MTCL1: variants seen among roughly 807,000 people sequenced by gnomAD.
MTCL1 encodes the protein microtubule crosslinking factor 1.
In MTCL1, 79 loss-of-function variants were observed where a neutral mutation model predicts 141.4. The ratio of observed to expected loss-of-function variants is 0.56; its 90% confidence interval spans 0.47 to 0.67. The LOEUF is 0.67. Among genes scored for constraint, MTCL1 ranks in the 30% least tolerant of loss-of-function variants. The pLI is 0.00. For missense variants in MTCL1, 2,177 were observed against 2,113.9 expected (o/e 1.03, Z -0.59); for synonymous variants, 914 against 875.8 (o/e 1.04, Z -0.77).
chr18:8,796,624 CAG>C lies in MTCL1; in HGVS notation c.2241+164_2241+165del, dbSNP rs542710935. ...CAAAAAAGATGTAGAGCAATTCATA[CAG>C]ACACTTAGATAAGAGAAAATTGAGC... On this transcript the variant is annotated intron_variant, in intron 9 of 16. Transcript: ENST00000359865. 7.2e-5 allele frequency among the ~76,000 whole-genome samples: 11 copies of C among 152,296 alleles called. No homozygotes were observed. In the South Asian group the frequency reaches 1.7e-3, roughly 23 times the overall value.
At position 8,711,005 on chromosome 18, in the gene MTCL1, C is replaced by T. The variant is rs2096088080; in HGVS notation, c.1053+4292C>T. On this transcript the variant is annotated intron_variant, in intron 1 of 13. Coordinates refer to the MTCL1 transcript ENST00000306329. Reference sequence around the variant, plus strand: ...CTGCACCCACTAACTCGTCATCTAGCATTAGGTATATCTCCCAATGCTATC... The same window carrying T: ...CTGCACCCACTAACTCGTCATCTAGTATTAGGTATATCTCCCAATGCTATC... Among the ~76,000 whole-genome samples the T allele has an allele frequency of 2.0e-5, 3 of 151,212 alleles. No homozygotes were observed. In the South Asian group the frequency reaches 6.3e-4, roughly 32 times the overall value.
intron 10 of MTCL1, among the ~76,000 whole-genome samples, chr18:8,800,255 C>A (rs970202868): frequency 1.3e-5 from 2 of 152,180 alleles, no homozygotes; most frequent in South Asian, 2.1e-4. Flanking sequence ...AGAGCCGGGC[C>A]GTTCCCGAAA....
chr18:8,732,573 A>G (rs551503407), intron 4 of MTCL1, among the ~76,000 whole-genome samples: 262 of 152,350 alleles, frequency 1.7e-3, no homozygotes, highest in Middle Eastern at 6.8e-3. Flanking sequence ...TTATGAGCCA[A>G]ATAAGCAAGT....
chr18:8,809,570 G>A (rs690079), intron 11 of MTCL1: 513,194 of 1,535,656 alleles, frequency 0.33, 91,511 homozygotes, highest in East Asian at 0.55. Context: ...AGGTGAGAGG[G>A]GTGACTCTGA....
chr18:8,735,412 G>A (rs1296067341), intron 4 of MTCL1, among the ~76,000 whole-genome samples: 4 of 152,146 alleles, frequency 2.6e-5, no homozygotes, highest in Admixed American at 2.6e-4. Context: ...TGGGTCACTG[G>A]CAGATGGAAT....
In MTCL1 at chr18:8,830,813, A is replaced by AAG; in HGVS notation, c.*19-793_*19-792dup. The AAG allele has an allele frequency of 2.0e-6, 2 of 985,450 alleles. No homozygotes were observed. Among genetic ancestry groups the AAG allele is most frequent in the Non-Finnish European group, 2.4e-6 (2 of 829,950 alleles). 61.0% of individuals were successfully genotyped at this position (985,450 alleles called of 1,614,324 possible). A position where few individuals can be genotyped will look rare whatever the true frequency, so the allele number is the denominator to read the frequency against. On this transcript the variant is annotated intron_variant, in intron 16 of 16. Coordinates refer to ENST00000359865, the Ensembl canonical transcript of MTCL1. This position sits in a 1 kb window ranked among gnomAD's most constrained non-coding sequence, Gnocchi z 6.4. ...TGGGTGTCCTGGTTTTGTAACATGT[A>AAG]AGGACAAGGAGCTCAACATTCTTTA...
At chr18:8,742,466 C>T (rs779232959) in intron 4 of MTCL1, among the ~76,000 whole-genome samples, 3 of 152,204 alleles carry the variant, frequency 2.0e-5, no homozygotes, top group Non-Finnish European at 4.4e-5. Context: ...GCAAGTCCTT[C>T]TTCACATGGT....
chr18:8,763,270 A>G (rs1301380970), intron 4 of MTCL1, among the ~76,000 whole-genome samples: 1 of 152,246 alleles, frequency 6.6e-6, no homozygotes, highest in Admixed American at 6.5e-5. Flanking sequence ...CAAGAAAGGG[A>G]CAGCCGTGGA....
At chr18:8,807,314 A>T (rs538885969) in intron 11 of MTCL1, among the ~76,000 whole-genome samples, 1 of 152,332 alleles carries the variant, frequency 6.6e-6, no homozygotes, top group Admixed American at 6.5e-5. Context: ...ATTCTGCATT[A>T]AACAAGCTTG....
intron 4 of MTCL1, among the ~76,000 whole-genome samples, chr18:8,763,411 A>G (rs28560026): frequency 0.023 from 3,522 of 152,200 alleles, 81 homozygotes; most frequent in African/African-American, 0.062. Flanking sequence ...ATTTTTTCCA[A>G]TTGGATGCCA....
At chr18:8,803,313 A>G (rs1440914979) in intron 10 of MTCL1, among the ~76,000 whole-genome samples, 2 of 152,178 alleles carry the variant, frequency 1.3e-5, no homozygotes, top group East Asian at 3.9e-4. Context: ...CTTGGCCCTC[A>G]GCCACTCCAA....
At chr18:8,722,330 G>A (rs976614772) in intron 4 of MTCL1, among the ~76,000 whole-genome samples, 3 of 152,200 alleles carry the variant, frequency 2.0e-5, no homozygotes, top group East Asian at 1.9e-4. Flanking sequence ...AGGCTGAGGC[G>A]GGAGGATTGC....
intron 7 of MTCL1, chr18:8,789,387 G>A (rs1454998503): frequency 1.0e-6 from 1 of 983,780 alleles, no homozygotes; most frequent in African/African-American, 1.7e-5. Flanking sequence ...TCCTAATAGA[G>A]GAGTAGCATT....
chr18:8,745,716 T>C (rs1165235597), intron 4 of MTCL1, among the ~76,000 whole-genome samples: 1 of 152,236 alleles, frequency 6.6e-6, no homozygotes, highest in Non-Finnish European at 1.5e-5. Context: ...TTTTATCTTT[T>C]TATTTTTAAC....
At chr18:8,807,086 A>G (rs1026849303) in intron 11 of MTCL1, 26 bp downstream of exon 10, 6 of 1,600,350 alleles carry the variant, frequency 3.7e-6, no homozygotes, top group Non-Finnish European at 5.1e-6. Context: ...GTCTCCCTCG[A>G]TCCTGACTGT....
At chr18:8,706,391 A>G in exon 1 of MTCL1, 1 of 1,228,988 alleles carries the variant, frequency 8.1e-7, no homozygotes, top group Non-Finnish European at 1.0e-6. Context: ...AGCGACCGTG[A>G]ACCCCCACGA....
At chr18:8,789,631 C>G in intron 7 of MTCL1, 1 of 985,376 alleles carries the variant, frequency 1.0e-6, no homozygotes, top group Non-Finnish European at 1.2e-6. Context: ...AGTGTCTCAG[C>G]AGCCTCGGAA....
chr18:8,784,312 G>C, exon 6 of MTCL1: 1 of 1,566,840 alleles, frequency 6.4e-7, no homozygotes, highest in Non-Finnish European at 8.7e-7. Context: ...ATGGGGAGGA[G>C]AGCCGCCTGC....
In MTCL1 at chr18:8,709,385, G is replaced by T. The variant is rs545838576; in HGVS notation, c.1053+2672G>T. The stretch of plus-strand genomic sequence containing the variant: ...TTTTTAAATTTTTTTATAGAGACAG[G>T]GTCTGGCTATGTTGTCCAGGCTTGT... On this transcript the variant is annotated intron_variant, in intron 1 of 13. Coordinates refer to the MTCL1 transcript ENST00000306329. 9.2e-5 allele frequency among the ~76,000 whole-genome samples: 14 copies of T among 152,026 alleles called. No individual in the cohort carries two copies. In the East Asian group the frequency reaches 2.7e-3, roughly 29 times the overall value.
Sources: gnomAD v4.1 joint callset for allele counts (sites outside exome capture counted in the v4.1 genomes callset) on GRCh38, gnomAD v4.1.1 for gene constraint, Gnocchi (gnomAD v3.1) non-coding constraint, MANE v1.5 for transcripts, NCBI Gene and HGNC (gene_info 2026-07-23, HGNC 2026-07-21) for gene names.